The following CEMIP variants were observed in gnomAD, a reference collection of about 807,000 sequenced individuals.
CEMIP encodes cell migration-inducing and hyaluronan-binding protein.
In CEMIP, 105 loss-of-function variants were observed where a neutral mutation model predicts 156.9. The ratio of observed to expected loss-of-function variants is 0.67; its 90% CI spans 0.57 to 0.79. The LOEUF (loss-of-function observed/expected upper bound fraction) is 0.79, where lower values mean the gene tolerates loss of function less well. Ranked by LOEUF, CEMIP falls within the 30% of genes least tolerant of loss-of-function variation. The probability of loss-of-function intolerance (pLI) is 0.00; values close to 1 mark genes in which losing one functional copy is unlikely to be tolerated. For synonymous variants in CEMIP, 676 were observed against 668.4 expected (o/e 1.01, Z -0.17); for missense variants, 1,457 against 1,769.4 (o/e 0.82, Z 3.17).
In CEMIP at chr15:80,943,035, T is replaced by A. The variant is rs147323629; in HGVS notation, c.3790T>A (p.Phe1264Ile). Residue 1264 changes from phenylalanine to isoleucine, a missense_variant, in exon 28 of 30, where the codon TTC becomes ATC. By Grantham distance (21) the Phe-to-Ile change is conservative. Coordinates refer to ENST00000394685, the MANE Select transcript of CEMIP (RefSeq NM_001293298.2). ...NQGRVVSHTSFRNSILQGIPW... is the reference protein window; with the variant it reads ...NQGRVVSHTSIRNSILQGIPW... ...AGGGCGCGTGGTGAGCCACACGAGC[T>A]TCAGGAACTCCATTCTGCAAGGCAT... The A allele has an allele frequency of 1.2e-6, 2 of 1,614,202 alleles. No individual in the cohort carries two copies. Among genetic ancestry groups the A allele is most frequent in the African/African-American group, 2.7e-5 (2 of 75,050 alleles).
intron 24 of CEMIP, 147 bp from the exon 25 acceptor site, chr15:80,937,647 G>A (rs990953124): frequency 2.3e-5 from 17 of 727,428 alleles, no homozygotes; most frequent in African/African-American, 1.6e-4. Context: ...CAGTCACCAC[G>A]ACAGCAAATG....
chr15:80,852,568 C>T (rs1897739725), intron 1 of CEMIP, among the ~76,000 whole-genome samples: 1 of 152,132 alleles, frequency 6.6e-6, no homozygotes, highest in African/African-American at 2.4e-5. Context: ...CTGACATTTC[C>T]TCTGCCATCA....
intron 1 of CEMIP, among the ~76,000 whole-genome samples, chr15:80,783,737 C>T (rs1441067717): frequency 6.6e-6 from 1 of 152,242 alleles, no homozygotes; most frequent in Non-Finnish European, 1.5e-5. Context: ...GCCATCTTAT[C>T]CTCTCTGGCA....
chr15:80,789,047 G>C (rs1896015242), intron 1 of CEMIP, among the ~76,000 whole-genome samples: 1 of 152,130 alleles, frequency 6.6e-6, no homozygotes, highest in Non-Finnish European at 1.5e-5. Context: ...GGCCTCTTCA[G>C]TTTTGCACCC....
rs1901695381 is a variant in CEMIP at position 80,948,997 on chromosome 15, G to C, written c.*73G>C. 1 of 1,590,894 alleles carries C rather than the reference G, an allele frequency of 6.3e-7. No individual in the cohort carries two copies. Among genetic ancestry groups the C allele is most frequent in the African/African-American group, 1.3e-5 (1 of 74,422 alleles). ...TCTTGGCAGCAGACCAGTGGGGGAT[G>C]GCTGGGTCCCCCAGCCCCTGCCAGC... On this transcript the variant is annotated 3_prime_UTR_variant, in exon 30 of 30. Coordinates refer to ENST00000394685, the MANE Select transcript of CEMIP (RefSeq NM_001293298.2).
intron 1 of CEMIP, among the ~76,000 whole-genome samples, chr15:80,806,174 A>G (rs1740106723): frequency 6.6e-6 from 1 of 152,244 alleles, no homozygotes; most frequent in African/African-American, 2.4e-5. Flanking sequence ...AACGTATGTC[A>G]TGTGATGACT....
At chr15:80,895,657 G>A (rs866829698) in intron 11 of CEMIP, among the ~76,000 whole-genome samples, 7 of 152,118 alleles carry the variant, frequency 4.6e-5, no homozygotes, top group South Asian at 4.1e-4. Flanking sequence ...AAATTCCCCC[G>A]CCCAGAGCTA....
At chr15:80,780,567 C>T (rs1895764256) in intron 1 of CEMIP, among the ~76,000 whole-genome samples, 1 of 152,204 alleles carries the variant, frequency 6.6e-6, no homozygotes, top group African/African-American at 2.4e-5. Context: ...GGTTTGAGGT[C>T]CTGAGTCCTT....
intron 1 of CEMIP, among the ~76,000 whole-genome samples, chr15:80,864,027 C>T (rs1384226023): frequency 5.3e-5 from 8 of 152,110 alleles, no homozygotes; most frequent in Non-Finnish European, 1.2e-4. Flanking sequence ...GCAAGCAAAG[C>T]CCCCTGGAAT....
At chr15:80,816,149 A>T (rs1348384096) in intron 1 of CEMIP, among the ~76,000 whole-genome samples, 3 of 152,210 alleles carry the variant, frequency 2.0e-5, no homozygotes, top group Non-Finnish European at 4.4e-5. Flanking sequence ...TTTCAGGGCA[A>T]AGTGGGTATA....
intron 1 of CEMIP, among the ~76,000 whole-genome samples, chr15:80,863,342 A>G (rs957769926): frequency 6.6e-6 from 1 of 152,196 alleles, no homozygotes; most frequent in African/African-American, 2.4e-5. Flanking sequence ...TTTGGCAAAC[A>G]CATTCAGTCA....
chr15:80,833,680 T>C (rs1897207705), intron 1 of CEMIP, among the ~76,000 whole-genome samples: 2 of 150,364 alleles, frequency 1.3e-5, no homozygotes, highest in South Asian at 2.1e-4. Context: ...TTTCTTTTTT[T>C]TTTTTTTGGA....
At chr15:80,901,039 G>A in intron 12 of CEMIP, 1 of 450,524 alleles carries the variant, frequency 2.2e-6, no homozygotes, top group East Asian at 7.0e-5. Context: ...TCAAAATTTT[G>A]TCAACCACAG....
intron 1 of CEMIP, among the ~76,000 whole-genome samples, chr15:80,799,830 A>AT (rs1303812982): frequency 6.6e-6 from 1 of 152,110 alleles, no homozygotes; most frequent in Non-Finnish European, 1.5e-5. Flanking sequence ...TTGATCACAA[A>AT]TTTTGTAAAG....
chr15:80,780,180 G>A (rs955121806), intron 1 of CEMIP, among the ~76,000 whole-genome samples: 1 of 152,220 alleles, frequency 6.6e-6, no homozygotes, highest in Non-Finnish European at 1.5e-5. Context: ...GCGACGCGCT[G>A]GCGCGGGGCC....
At chr15:80,896,688 T>C (rs1899237730) in intron 12 of CEMIP, among the ~76,000 whole-genome samples, 1 of 152,242 alleles carries the variant, frequency 6.6e-6, no homozygotes, top group Non-Finnish European at 1.5e-5. Context: ...AGACTTCAAA[T>C]ATAATCCAGG....
At chr15:80,809,644 C>T (rs1343108434) in intron 1 of CEMIP, among the ~76,000 whole-genome samples, 1 of 152,142 alleles carries the variant, frequency 6.6e-6, no homozygotes, top group Non-Finnish European at 1.5e-5. Context: ...AGGCTGAAAT[C>T]AAGGTGTTGG....
At chr15:80,874,572 A>G (rs1055946075) in intron 3 of CEMIP, among the ~76,000 whole-genome samples, 8 of 152,212 alleles carry the variant, frequency 5.3e-5, no homozygotes, top group Admixed American at 1.3e-4. Flanking sequence ...TGGTGTCATA[A>G]GATCTGGGTA....
intron 1 of CEMIP, chr15:80,842,044 G>A (rs372055177): frequency 5.7e-6 from 3 of 523,410 alleles, no homozygotes; most frequent in African/African-American, 2.0e-5. Flanking sequence ...CTATGGATGA[G>A]CTCTCAATAT....
Sources: allele counts gnomAD v4.1 joint callset (sites outside exome capture counted in the v4.1 genomes callset), GRCh38; gene constraint gnomAD v4.1.1; transcripts MANE v1.5; gene names NCBI Gene and HGNC (gene_info 2026-07-23, HGNC 2026-07-21).